Variants in ATP8A2 observed in about 807,000 individuals in gnomAD.
ATP8A2 encodes the protein ATPase phospholipid transporting 8A2, also known as phospholipid-transporting ATPase IB.
Under a neutral mutation model 165.6 loss-of-function variants are expected in ATP8A2, and 100 were observed. The ratio of observed to expected loss-of-function variants is 0.60; its 90% CI spans 0.51 to 0.71. The LOEUF is 0.71. Ranked by LOEUF, ATP8A2 falls within the 30% of genes least tolerant of loss-of-function variation. The pLI is 0.00. For missense variants in ATP8A2, 1,227 were observed against 1,479.5 expected (o/e 0.83, Z 2.80); for synonymous variants, 543 against 548.8 (o/e 0.99, Z 0.15).
chr13:25,512,995 G>A (rs1214201137), intron 2 of ATP8A2, among the ~76,000 whole-genome samples: 1 of 133,454 alleles, frequency 7.5e-6, no homozygotes, highest in African/African-American at 2.7e-5. Flanking sequence ...CGGGGTGGCT[G>A]GCCGGGCGGG....
intron 25 of ATP8A2, among the ~76,000 whole-genome samples, chr13:25,710,526 A>AT: frequency 6.6e-6 from 1 of 152,214 alleles, no homozygotes; most frequent in African/African-American, 2.4e-5. Flanking sequence ...TGATCCTAAT[A>AT]TTTTTTTGAA....
rs2032430969 is a variant in ATP8A2, at chr13:25,372,295, T to C, written c.76+7T>C. 1 of 993,602 alleles carries C rather than the reference T, an allele frequency of 1.0e-6. No homozygotes were observed. Among genetic ancestry groups the C allele is most frequent in the Non-Finnish European group, 1.4e-6 (1 of 706,798 alleles). The allele number at this position is 993,602 out of a possible 1,614,324, so 61.5% of individuals were successfully genotyped here. On this transcript the variant is annotated splice_region_variant and intron_variant, in intron 1 of 36. Coordinates refer to ENST00000381655, the MANE Select transcript of ATP8A2 (RefSeq NM_016529.6). The surrounding 1 kb of genome is among the most constrained non-coding windows in gnomAD (Gnocchi z 4.8). ...AGGATCCGCTCGTCCGTGGGTGAGC[T>C]GGGAGGGGCGCGGCGAGGGAGGGTG...
chr13:25,797,624 G>T (rs1479751436), intron 27 of ATP8A2, among the ~76,000 whole-genome samples: 1 of 152,108 alleles, frequency 6.6e-6, no homozygotes, highest in Non-Finnish European at 1.5e-5. Context: ...TGATGGAGAG[G>T]TTGTCTTACT....
intron 2 of ATP8A2, among the ~76,000 whole-genome samples, chr13:25,498,968 G>A (rs1255584151): frequency 2.6e-5 from 4 of 152,118 alleles, no homozygotes; most frequent in Non-Finnish European, 4.4e-5. Context: ...TAGTGCTAAC[G>A]TGTTGTTCTA....
At chr13:25,855,321 A>G (rs1952130099) in intron 30 of ATP8A2, among the ~76,000 whole-genome samples, 1 of 151,502 alleles carries the variant, frequency 6.6e-6, no homozygotes, top group Non-Finnish European at 1.5e-5. Context: ...CCACTGATCT[A>G]CTGTCTGTCT....
chr13:25,558,928 A>G (rs776235369), intron 13 of ATP8A2, 45 bp from the exon 14 acceptor site: 1 of 1,314,648 alleles, frequency 7.6e-7, no homozygotes, highest in Non-Finnish European at 1.1e-6. Context: ...TGATCTTTGC[A>G]TCTCAATACT....
intron 27 of ATP8A2, among the ~76,000 whole-genome samples, chr13:25,810,699 A>C (rs1344140606): frequency 2.0e-5 from 3 of 152,194 alleles, no homozygotes; most frequent in Non-Finnish European, 4.4e-5. Context: ...ATAAATTTCT[A>C]AAAAGCTCAA....
At chr13:25,458,027 A>G (rs1268590622) in intron 1 of ATP8A2, among the ~76,000 whole-genome samples, 2 of 152,180 alleles carry the variant, frequency 1.3e-5, no homozygotes, top group Non-Finnish European at 2.9e-5. Context: ...AGGACAGGAT[A>G]ATTGGCATGA....
chr13:26,019,690 C>T (rs1381626914), intron 36 of ATP8A2, among the ~76,000 whole-genome samples, 198 bp from the exon 37 acceptor site: 1 of 152,168 alleles, frequency 6.6e-6, no homozygotes, highest in Non-Finnish European at 1.5e-5. Context: ...CCATGGGACC[C>T]CAGTTAGCCT....
chr13:25,870,104 C>A (rs978653550), intron 33 of ATP8A2, among the ~76,000 whole-genome samples: 3 of 152,184 alleles, frequency 2.0e-5, no homozygotes, highest in African/African-American at 7.2e-5. Context: ...CACTTGACAG[C>A]CCGGCTGTCC....
intron 2 of ATP8A2, among the ~76,000 whole-genome samples, chr13:25,528,586 TTC>T (rs1167370335): frequency 6.6e-6 from 1 of 152,206 alleles, no homozygotes; most frequent in Non-Finnish European, 1.5e-5. Flanking sequence ...TTCTGGTGTA[TTC>T]TGTCTCCTGA....
chr13:25,602,184 T>G (rs868191720), intron 24 of ATP8A2, among the ~76,000 whole-genome samples: 2 of 152,218 alleles, frequency 1.3e-5, no homozygotes, highest in African/African-American at 4.8e-5. Flanking sequence ...CATGTCCAAT[T>G]AATAATTCTT....
intron 27 of ATP8A2, among the ~76,000 whole-genome samples, chr13:25,816,331 A>T (rs1593391995): frequency 6.6e-6 from 1 of 152,312 alleles, no homozygotes; most frequent in Non-Finnish European, 1.5e-5. Flanking sequence ...GTCTGAATCC[A>T]GCCCTCTTCT....
chr13:25,479,780 CAT>C (rs1195175730), intron 2 of ATP8A2, among the ~76,000 whole-genome samples: 1 of 152,026 alleles, frequency 6.6e-6, no homozygotes, highest in Non-Finnish European at 1.5e-5. Context: ...GGACACAGCA[CAT>C]GTTTCAGAGA....
At chr13:25,398,008 C>T (rs906106434) in intron 1 of ATP8A2, among the ~76,000 whole-genome samples, 1 of 152,088 alleles carries the variant, frequency 6.6e-6, no homozygotes, top group Non-Finnish European at 1.5e-5. Context: ...ATGAAGCCTC[C>T]AGGTAGCAGC....
At chr13:25,512,844 T>C (rs61709078) in intron 2 of ATP8A2, among the ~76,000 whole-genome samples, 77,770 of 119,810 alleles carry the variant, frequency 0.65, 25,191 homozygotes, top group Middle Eastern at 0.71. Context: ...CTCCTCACTT[T>C]CCAGTAGGGG....
intron 1 of ATP8A2, among the ~76,000 whole-genome samples, chr13:25,399,983 A>AGCCAGGCGGGAGTGCAGTGGT (rs1555265023): frequency 1.3e-5 from 2 of 149,224 alleles, no homozygotes; most frequent in Non-Finnish European, 3.0e-5. Context: ...TTTTTGAGGA[A>AGCCAGGCGGGAGTGCAGTGGT]GCCATCAGAG....
At chr13:25,899,411 T>A (rs1409736702) in intron 33 of ATP8A2, among the ~76,000 whole-genome samples, 1 of 152,216 alleles carries the variant, frequency 6.6e-6, no homozygotes, top group Non-Finnish European at 1.5e-5. Context: ...CTGATTTATC[T>A]AGAGTTTTGC....
chr13:25,530,553 A>G lies in ATP8A2; in HGVS notation c.322-9A>G. The G allele has an allele frequency of 6.5e-7, 1 of 1,539,232 alleles. No homozygotes were observed. Among genetic ancestry groups the G allele is most frequent in the East Asian group, 2.3e-5 (1 of 43,532 alleles). ...GCCAACTTCCTACTTGTGGTCTCTT[A>G]TCTTCCAGCAAATTCCAGATGTATC... is the stretch of plus-strand genomic sequence containing the variant. On this transcript the variant is annotated splice_polypyrimidine_tract_variant and intron_variant, in intron 3 of 36. Transcript: ENST00000381655.
Sources: allele counts gnomAD v4.1 joint callset (sites outside exome capture counted in the v4.1 genomes callset), GRCh38; gene constraint gnomAD v4.1.1; non-coding constraint Gnocchi (gnomAD v3.1); transcripts MANE v1.5; gene names NCBI Gene and HGNC (gene_info 2026-07-23, HGNC 2026-07-21).